ARHGAP24: variants seen among roughly 807,000 people sequenced by gnomAD.
The protein encoded by ARHGAP24 is Rho GTPase activating protein 24.
ARHGAP24 carries 50 observed loss-of-function variants against 76.4 expected under a neutral mutation model. The ratio of observed to expected loss-of-function variants is 0.65; its 90% CI spans 0.52 to 0.83. The LOEUF is 0.83. ARHGAP24 is among the 40% of genes least tolerant of loss of function. ARHGAP24 has a pLI of 0.00. For synonymous variants in ARHGAP24, 345 were observed against 323.3 expected (o/e 1.07, Z -0.72); for missense variants, 930 against 914.2 (o/e 1.02, Z -0.22).
At chr4:85,618,043 T>A (rs116248198) in intron 2 of ARHGAP24, among the ~76,000 whole-genome samples, 283 of 152,294 alleles carry the variant, frequency 1.9e-3, no homozygotes, top group African/African-American at 6.7e-3. Context: ...AAGTGTGTAA[T>A]ACATTATTAT....
At chr4:85,808,773 T>C (rs1421237601) in intron 3 of ARHGAP24, among the ~76,000 whole-genome samples, 1 of 152,092 alleles carries the variant, frequency 6.6e-6, no homozygotes, top group Non-Finnish European at 1.5e-5. Flanking sequence ...TCAGTGTCCA[T>C]ATGGAAGTGA....
chr4:85,549,676 G>A (rs1382372503), intron 1 of ARHGAP24, among the ~76,000 whole-genome samples: 2 of 152,124 alleles, frequency 1.3e-5, no homozygotes, highest in African/African-American at 2.4e-5. Flanking sequence ...GCATGTTTCA[G>A]GAGTTTCGTG....
intron 3 of ARHGAP24, among the ~76,000 whole-genome samples, chr4:85,812,961 C>G (rs1729075681): frequency 6.6e-6 from 1 of 152,210 alleles, no homozygotes; most frequent in Non-Finnish European, 1.5e-5. Context: ...ACCTAGGAGA[C>G]TCTTCTAACA....
intron 1 of ARHGAP24, among the ~76,000 whole-genome samples, chr4:85,528,045 CTACAATAGCAGTG>C (rs1211431791): frequency 3.9e-5 from 6 of 151,994 alleles, no homozygotes; most frequent in Non-Finnish European, 8.8e-5. Flanking sequence ...AGGGTGAGTG[CTACAATAGCAGTG>C]TTATGTTTGT....
At chr4:85,770,801 G>T (rs1727101875) in intron 3 of ARHGAP24, among the ~76,000 whole-genome samples, 1 of 152,172 alleles carries the variant, frequency 6.6e-6, no homozygotes, top group South Asian at 2.1e-4. Context: ...GGGAATGTTT[G>T]CTTTCCACAC....
At chr4:85,508,117 G>A (rs937878954) in intron 1 of ARHGAP24, among the ~76,000 whole-genome samples, 15 of 151,102 alleles carry the variant, frequency 9.9e-5, no homozygotes, top group Non-Finnish European at 1.6e-4. Flanking sequence ...CCAGATATAT[G>A]GCCTCAGGAT....
At chr4:85,958,511 T>C (rs6848107) in intron 5 of ARHGAP24, among the ~76,000 whole-genome samples, 38,767 of 152,134 alleles carry the variant, frequency 0.25, 5,103 homozygotes, top group South Asian at 0.39. Flanking sequence ...TCTTCATTCA[T>C]GGTTTGAAAC....
intron 1 of ARHGAP24, among the ~76,000 whole-genome samples, chr4:85,514,274 G>A (rs1479309256): frequency 3.9e-5 from 6 of 152,126 alleles, no homozygotes; most frequent in East Asian, 1.9e-4. Context: ...CCCCTGCTCC[G>A]TAAGCACCCT....
chr4:85,943,721 G>T (rs1405240035), intron 5 of ARHGAP24, among the ~76,000 whole-genome samples: 1 of 151,994 alleles, frequency 6.6e-6, no homozygotes, highest in African/African-American at 2.4e-5. Flanking sequence ...TTGGTTTTTT[G>T]TTCCTGTGTT....
At chr4:85,948,972 C>G (rs1737444570) in intron 5 of ARHGAP24, among the ~76,000 whole-genome samples, 1 of 152,136 alleles carries the variant, frequency 6.6e-6, no homozygotes, top group South Asian at 2.1e-4. Context: ...TCTTGTACTA[C>G]CTTAACATAT....
At chr4:85,874,839 T>TAAATATA (rs1491074582) in intron 3 of ARHGAP24, among the ~76,000 whole-genome samples, 123 of 8,126 alleles carry the variant, frequency 0.015, no homozygotes, top group South Asian at 0.027. Context: ...ATAAAATATA[T>TAAATATA]TTTTATATAA....
intron 1 of ARHGAP24, among the ~76,000 whole-genome samples, chr4:85,535,545 G>C (rs1376422254): frequency 6.6e-6 from 1 of 152,160 alleles, no homozygotes; most frequent in Non-Finnish European, 1.5e-5. Flanking sequence ...TCATAAAAAC[G>C]CAGAATAAGG....
At chr4:85,967,998 C>A (rs532636530) in intron 5 of ARHGAP24, among the ~76,000 whole-genome samples, 16 of 152,270 alleles carry the variant, frequency 1.1e-4, no homozygotes, top group African/African-American at 3.6e-4. Context: ...TGGCATGCAT[C>A]TCATACATGG....
At chr4:85,687,398 G>C (rs1041440923) in intron 2 of ARHGAP24, among the ~76,000 whole-genome samples, 2 of 152,106 alleles carry the variant, frequency 1.3e-5, no homozygotes, top group African/African-American at 4.8e-5. Context: ...GTACACAATA[G>C]GTAGTTTTTT....
At chr4:85,824,396 G>A (rs149849367) in intron 3 of ARHGAP24, among the ~76,000 whole-genome samples, 19 of 152,202 alleles carry the variant, frequency 1.2e-4, no homozygotes, top group Admixed American at 3.9e-4. Flanking sequence ...AACCCCATCC[G>A]ACTCATCCAT....
chr4:85,739,242 C>G (rs1429586761), intron 3 of ARHGAP24, among the ~76,000 whole-genome samples: 2 of 152,184 alleles, frequency 1.3e-5, no homozygotes, highest in Non-Finnish European at 2.9e-5. Context: ...TGAGTCTACC[C>G]AGAACCCTTC....
chr4:85,862,053 C>G (rs1731933192), intron 3 of ARHGAP24, among the ~76,000 whole-genome samples: 2 of 151,884 alleles, frequency 1.3e-5, no homozygotes, highest in Non-Finnish European at 2.9e-5. Flanking sequence ...TTAGGTCAAC[C>G]CATCATTTTA....
chr4:85,497,840 A>C (rs577748943), intron 1 of ARHGAP24, among the ~76,000 whole-genome samples: 46 of 152,122 alleles, frequency 3.0e-4, no homozygotes, highest in African/African-American at 1.1e-3. Context: ...AAAAGAAAGA[A>C]AGAAAAGGAA....
intron 1 of ARHGAP24, among the ~76,000 whole-genome samples, chr4:85,508,472 C>A (rs1262157967): frequency 6.6e-6 from 1 of 152,138 alleles, no homozygotes; most frequent in Non-Finnish European, 1.5e-5. Context: ...TGTTTCTCTG[C>A]CTGATGCCTA....
Sources: gnomAD v4.1 joint callset for allele counts (sites outside exome capture counted in the v4.1 genomes callset) on GRCh38, gnomAD v4.1.1 for gene constraint, MANE v1.5 for transcripts, NCBI Gene and HGNC (gene_info 2026-07-23, HGNC 2026-07-21) for gene names.